The following FKBP9 variants were observed in gnomAD, a reference collection of about 807,000 sequenced individuals.
FKBP9 encodes the protein peptidyl-prolyl cis-trans isomerase FKBP9.
In FKBP9, 27 loss-of-function variants were observed where a neutral mutation model predicts 55.6. The observed-to-expected ratio is 0.49, with a 90% CI of 0.36 to 0.67. The LOEUF is 0.67. FKBP9 is among the 30% of genes least tolerant of loss of function. The pLI, the probability that FKBP9 is intolerant of heterozygous loss-of-function variation, is 0.00. For missense variants in FKBP9, 539 were observed against 742.8 expected (o/e 0.73, Z 3.19); for synonymous variants, 267 against 296.5 (o/e 0.90, Z 1.02).
intron 6 of FKBP9, among the ~76,000 whole-genome samples, chr7:32,992,147 A>T (rs1324145524): frequency 6.6e-6 from 1 of 152,190 alleles, no homozygotes; most frequent in East Asian, 1.9e-4. Context: ...CCATATGTGG[A>T]GAACCGAGAC....
chr7:32,986,223 C>A (rs953136317), intron 5 of FKBP9, among the ~76,000 whole-genome samples: 1 of 152,220 alleles, frequency 6.6e-6, no homozygotes, highest in Non-Finnish European at 1.5e-5. Context: ...TTAGGCAGAT[C>A]CCACAGCCTT....
chr7:32,989,057 CG>C (rs2127986000), intron 6 of FKBP9: 1 of 154,086 alleles, frequency 6.5e-6, no homozygotes, highest in Non-Finnish European at 1.4e-5. Context: ...GTCAAAAGCA[CG>C]TTATGGTGAA....
At chr7:32,961,333 A>G (rs1169372636) in intron 1 of FKBP9, among the ~76,000 whole-genome samples, 1 of 152,190 alleles carries the variant, frequency 6.6e-6, no homozygotes, top group African/African-American at 2.4e-5. Context: ...TAGATGCTCT[A>G]GCACAGTAGT....
At chr7:32,995,954 G>T (rs1784775902) in intron 6 of FKBP9, among the ~76,000 whole-genome samples, 1 of 152,182 alleles carries the variant, frequency 6.6e-6, no homozygotes, top group African/African-American at 2.4e-5. Context: ...CGGCAAATCT[G>T]TGCCTCCGTT....
rs1554284334 is a variant in FKBP9 at position 32,965,832 on chromosome 7, T to TATGTGTGTACAC, written c.221+8040_221+8041insGTGTGTACACAT. On this transcript the variant is annotated intron_variant, in intron 1 of 9. Transcript: ENST00000242209. Reference sequence around the variant, plus strand: ...AAAAAAATATATATATATATATATATATATATATATATGTGTGTACAGATA... The same window carrying TATGTGTGTACAC: ...AAAAAAATATATATATATATATATATATGTGTGTACACATATATATATATGTGTGTACAGATA... 2.5e-4 allele frequency among the ~76,000 whole-genome samples: 11 copies of TATGTGTGTACAC among 43,476 alleles called. 1 individual carries two copies. Among genetic ancestry groups the TATGTGTGTACAC allele is most frequent in the Middle Eastern group, 0.029 (2 of 70 alleles). 28.5% of individuals were successfully genotyped at this position (43,476 alleles called of 152,430 possible). A position where few individuals can be genotyped will look rare whatever the true frequency, so the allele number is the denominator to read the frequency against.
intron 1 of FKBP9, among the ~76,000 whole-genome samples, chr7:32,958,838 G>A (rs1783958191): frequency 6.6e-6 from 1 of 152,048 alleles, no homozygotes; most frequent in African/African-American, 2.4e-5. Context: ...GCCTCTCTTC[G>A]TCCAGCACCA....
At chr7:32,974,854 A>G in intron 2 of FKBP9, 92 bp downstream of exon 2, 1 of 1,233,568 alleles carries the variant, frequency 8.1e-7, no homozygotes, top group East Asian at 2.3e-5. Flanking sequence ...GAATCTTGGA[A>G]GCTTTAGATT....
intron 6 of FKBP9, among the ~76,000 whole-genome samples, chr7:32,990,256 G>A (rs1332340926): frequency 2.0e-5 from 3 of 152,088 alleles, no homozygotes; most frequent in African/African-American, 7.2e-5. Context: ...GGAGGCAGGG[G>A]GTCAGACCGG....
chr7:32,958,531 C>T (rs1443672930), intron 1 of FKBP9, among the ~76,000 whole-genome samples: 1 of 152,244 alleles, frequency 6.6e-6, no homozygotes, highest in African/African-American at 2.4e-5. Context: ...CGTGGTGGCT[C>T]ACGCCTGTAG....
chr7:32,996,603 ATCTTT>A (rs1784792214), intron 7 of FKBP9, among the ~76,000 whole-genome samples: 1 of 108,150 alleles, frequency 9.2e-6, no homozygotes, highest in Non-Finnish European at 1.8e-5. Flanking sequence ...TATAACTGCT[ATCTTT>A]CCTTCCTTCC....
In FKBP9 at chr7:32,967,255, T is replaced by C. The variant is rs114531044; in HGVS notation, c.222-7362T>C. Among the ~76,000 whole-genome samples the C allele has an allele frequency of 8.4e-3, 1,276 of 152,338 alleles. 23 individuals carry two copies. Among genetic ancestry groups the C allele is most frequent in the African/African-American group, 0.029 (1,223 of 41,560 alleles). ...ATTACTTTAAAAAAACCATCAAATT[T>C]ACCATTGTAACTGTTTTGAACTGTA... On this transcript the variant is annotated intron_variant, in intron 1 of 9. Coordinates refer to ENST00000242209, the MANE Select transcript of FKBP9 (RefSeq NM_007270.5).
chr7:32,959,125 G>T (rs537303875), intron 1 of FKBP9, among the ~76,000 whole-genome samples: 1 of 152,182 alleles, frequency 6.6e-6, no homozygotes, highest in South Asian at 2.1e-4. Flanking sequence ...AAAACAACAG[G>T]CCGGGCGCGG....
intron 5 of FKBP9, among the ~76,000 whole-genome samples, chr7:32,987,129 C>T (rs1784593669): frequency 6.6e-6 from 1 of 151,986 alleles, no homozygotes; most frequent in Non-Finnish European, 1.5e-5. Flanking sequence ...ATAGTGGGGG[C>T]CTTTTGTCGG....
Position 33,000,253 on chromosome 7 carries a change from T to C in FKBP9, c.1365T>C (p.Ala455=). 1.2e-6 allele frequency: 2 copies of C among 1,610,564 alleles called. No homozygotes were observed. Among genetic ancestry groups the C allele is most frequent in the South Asian group, 2.2e-5 (2 of 90,998 alleles). ...IIPPHLGYGE[A]GVDGEVPGSA... The stretch of plus-strand genomic sequence containing the variant: ...CGCCTCACCTGGGCTATGGGGAAGC[T>C]GGCGTGGGTGAGTAAGCAACGCTAT... Residue 455 remains alanine (A), a synonymous_variant, in exon 8 of 10, where the codon GCT becomes GCC. Transcript: ENST00000242209.
At chr7:32,963,787 T>G (rs1308948193) in intron 1 of FKBP9, 1 of 1,268,026 alleles carries the variant, frequency 7.9e-7, no homozygotes. Context: ...AAGCTCCCCA[T>G]GCTGCACACA....
rs1459197806 is a variant in FKBP9, at chr7:33,005,570, C to A, written c.*219C>A. On this transcript the variant is annotated 3_prime_UTR_variant, in exon 10 of 10. Coordinates refer to ENST00000242209, the MANE Select transcript of FKBP9 (RefSeq NM_007270.5). Reference sequence around the variant, plus strand: ...TAGTAAACAAAATCTGTGCAGAGGGCCTTAGCATGGGATGTGTCCAGTATT... The same window carrying A: ...TAGTAAACAAAATCTGTGCAGAGGGACTTAGCATGGGATGTGTCCAGTATT... 7 of 533,040 alleles carry A rather than the reference C, an allele frequency of 1.3e-5. No individual in the cohort carries two copies. The highest frequency in any genetic ancestry group is 3.8e-5 in the African/African-American group (2 of 52,580). 33.0% of individuals were successfully genotyped at this position (533,040 alleles called of 1,614,324 possible).
At chr7:32,959,578 A>G (rs966746985) in intron 1 of FKBP9, among the ~76,000 whole-genome samples, 3 of 152,132 alleles carry the variant, frequency 2.0e-5, no homozygotes, top group African/African-American at 7.2e-5. Flanking sequence ...ACCCCCAAAA[A>G]AGAAACGCTG....
intron 1 of FKBP9, among the ~76,000 whole-genome samples, chr7:32,958,852 T>C (rs1343332229): frequency 6.6e-6 from 1 of 152,186 alleles, no homozygotes; most frequent in African/African-American, 2.4e-5. Context: ...AGCACCAGGC[T>C]ACTCCTCGCC....
Position 33,005,596 on chromosome 7 carries a change from GA to G in FKBP9, c.*249del. 2.3e-6 allele frequency: 1 copy of G among 435,686 alleles called. No homozygotes were observed. Among genetic ancestry groups the G allele is most frequent in the Non-Finnish European group, 4.2e-6 (1 of 240,276 alleles). 27.0% of individuals were successfully genotyped at this position (435,686 alleles called of 1,614,324 possible). ...CTTAGCATGGGATGTGTCCAGTATT[GA>G]AAAGGCTGCACTGCCAACCATGATT... On this transcript the variant is annotated 3_prime_UTR_variant, in exon 10 of 10. Coordinates refer to ENST00000242209, the MANE Select transcript of FKBP9 (RefSeq NM_007270.5).
Sources: gnomAD v4.1 joint callset for allele counts (sites outside exome capture counted in the v4.1 genomes callset) on GRCh38, gnomAD v4.1.1 for gene constraint, MANE v1.5 for transcripts, NCBI Gene and HGNC (gene_info 2026-07-23, HGNC 2026-07-21) for gene names.